Variants in PCNX2 observed in about 807,000 individuals in gnomAD.
PCNX2 encodes the protein pecanex 2.
Under a neutral mutation model 223.8 loss-of-function variants are expected in PCNX2, and 168 were observed. The ratio of observed to expected loss-of-function variants is 0.75; its 90% CI spans 0.66 to 0.85. The LOEUF (loss-of-function observed/expected upper bound fraction) is 0.85, where lower values mean the gene tolerates loss of function less well. Ranked by LOEUF, PCNX2 falls within the 40% of genes least tolerant of loss-of-function variation. The pLI, the probability that PCNX2 is intolerant of heterozygous loss-of-function variation, is 0.00. For synonymous variants in PCNX2, 1,006 were observed against 1,052.6 expected (o/e 0.96, Z 0.86); for missense variants, 2,507 against 2,675.5 (o/e 0.94, Z 1.39).
At chr1:232,992,852 C>T (rs184181631) in intron 32 of PCNX2, among the ~76,000 whole-genome samples, 42 of 152,268 alleles carry the variant, frequency 2.8e-4, no homozygotes, top group Middle Eastern at 3.4e-3. Context: ...GTGGCACCTC[C>T]TTGGTCTCAC....
the PCNX2 span, among the ~76,000 whole-genome samples, chr1:233,321,555 C>G: frequency 6.6e-6 from 1 of 152,312 alleles, no homozygotes; most frequent in Admixed American, 6.5e-5. Context: ...ACCTTGGCCT[C>G]CCAAAGTGCT....
intron 24 of PCNX2, among the ~76,000 whole-genome samples, chr1:233,056,586 A>G (rs931485185): frequency 6.6e-6 from 1 of 152,344 alleles, no homozygotes; most frequent in Non-Finnish European, 1.5e-5. Context: ...TCGAATTTTG[A>G]TTTCGAATTA....
At chr1:233,167,877 A>G (rs1226871594) in intron 17 of PCNX2, 4 of 882,890 alleles carry the variant, frequency 4.5e-6, no homozygotes, top group South Asian at 5.2e-5. Flanking sequence ...TCCACCTTCT[A>G]TAAGATATAA....
At chr1:233,255,506 C>A (rs1326220723) in intron 5 of PCNX2, among the ~76,000 whole-genome samples, 6 of 152,228 alleles carry the variant, frequency 3.9e-5, no homozygotes, top group Non-Finnish European at 8.8e-5. Context: ...CTCATGTGGG[C>A]GGTCCTCATT....
At chr1:233,243,806 G>C (rs1294266535) in intron 8 of PCNX2, among the ~76,000 whole-genome samples, 1 of 152,012 alleles carries the variant, frequency 6.6e-6, no homozygotes, top group Non-Finnish European at 1.5e-5. Context: ...CCTAAGCACT[G>C]CATGTGTACT....
At chr1:233,099,657 A>G (rs1674373302) in intron 21 of PCNX2, among the ~76,000 whole-genome samples, 1 of 152,194 alleles carries the variant, frequency 6.6e-6, no homozygotes. Context: ...TTTAAGGGTA[A>G]AATCAGGTAA....
intron 21 of PCNX2, among the ~76,000 whole-genome samples, chr1:233,128,239 A>AG (rs1253020220): frequency 6.6e-6 from 1 of 152,210 alleles, no homozygotes; most frequent in African/African-American, 2.4e-5. Context: ...AAATGCTGGC[A>AG]GAATGATCCT....
rs71173255 is a variant in PCNX2 at position 233,208,826 on chromosome 1, CAAAAAAAAAA to C, written c.2692-147_2692-138del. 2.5e-3 allele frequency: 149 copies of C among 59,622 alleles called. 6 individuals are homozygous for C. In the East Asian group the frequency reaches 0.073, roughly 29 times the overall value. The allele number at this position is 59,622 out of a possible 1,614,324, so 3.7% of individuals were successfully genotyped here. On this transcript the variant is annotated intron_variant, in intron 12 of 33. Coordinates refer to ENST00000258229, the MANE Select transcript of PCNX2 (RefSeq NM_014801.4). ...TCCCCCAAACACCACAATTCATATA[CAAAAAAAAAA>C]AAAAAAAAAAAAAAACAGGAAAAAA...
At position 232,984,108 on chromosome 1, in the gene PCNX2, ATTTTTTTTT is replaced by A. The variant is rs373209360; in HGVS notation, c.*187_*195del. ...GAGGTTTTTTTGTTGTTGTTGTTTG[ATTTTTTTTT>A]TTTTTTTTTTTTTTTTTTCAAAAAC... On this transcript the variant is annotated 3_prime_UTR_variant, in exon 34 of 34. Transcript: ENST00000258229. The A allele has an allele frequency of 1.1e-4, 15 of 135,152 alleles. No homozygotes were observed. The highest frequency in any genetic ancestry group is 4.5e-4 in the African/African-American group (7 of 15,438). The allele number at this position is 135,152 out of a possible 1,614,324, so 8.4% of individuals were successfully genotyped here. A position where few individuals can be genotyped will look rare whatever the true frequency, so the allele number is the denominator to read the frequency against.
the PCNX2 span, among the ~76,000 whole-genome samples, chr1:233,315,230 T>G: frequency 6.6e-5 from 10 of 152,218 alleles, no homozygotes; most frequent in African/African-American, 2.4e-4. Flanking sequence ...AATTTAAGAG[T>G]GCTTTAGAAA....
At chr1:233,177,365 T>C (rs1679537539) in intron 17 of PCNX2, among the ~76,000 whole-genome samples, 1 of 152,158 alleles carries the variant, frequency 6.6e-6, no homozygotes, top group East Asian at 1.9e-4. Context: ...TACCTTTGCC[T>C]CTTCTAAAAA....
upstream of PCNX2, chr1:233,295,731 A>G (rs1662055828): frequency 2.7e-6 from 1 of 371,738 alleles, no homozygotes; most frequent in East Asian, 4.5e-5. The surrounding 1 kb of genome is among the most constrained non-coding windows in gnomAD (Gnocchi z 4.1). Flanking sequence ...GGGAGGAAGG[A>G]TTTTCCCATC....
In PCNX2 at chr1:233,126,919, G is replaced by C. The variant is rs1676134696; in HGVS notation, c.3837+8094C>G. Among the ~76,000 whole-genome samples, 1 of 152,028 alleles carries C rather than the reference G, an allele frequency of 6.6e-6. No homozygotes were observed. Among genetic ancestry groups the C allele is most frequent in the Admixed American group, 6.6e-5 (1 of 15,264 alleles). ...TATGCTGAGAGCTCTCCCAGAGGTG[G>C]CTTTCACCTGCACTGCACTCTCCCC... On this transcript the variant is annotated intron_variant, in intron 21 of 33. Coordinates refer to ENST00000258229, the MANE Select transcript of PCNX2 (RefSeq NM_014801.4). This position sits in a 1 kb window ranked among gnomAD's most constrained non-coding sequence, Gnocchi z 4.8.
chr1:233,298,215 A>G (rs78349374), upstream of PCNX2, among the ~76,000 whole-genome samples: 10 of 152,284 alleles, frequency 6.6e-5, no homozygotes, highest in Non-Finnish European at 1.3e-4. Flanking sequence ...AGCAGGACAA[A>G]AGAGGGAGGA....
chr1:233,208,826 C>CA (rs71173255), intron 12 of PCNX2, 137 bp from the exon 13 acceptor site: 919 of 59,594 alleles, frequency 0.015, 14 homozygotes, highest in Non-Finnish European at 0.02. Context: ...AATTCATATA[C>CA]AAAAAAAAAA....
chr1:233,266,467 C>T (rs1660337641), intron 1 of PCNX2, among the ~76,000 whole-genome samples: 1 of 152,178 alleles, frequency 6.6e-6, no homozygotes, highest in African/African-American at 2.4e-5. Context: ...TCCAATTCCA[C>T]ATGCCCAGGG....
intron 15 of PCNX2, among the ~76,000 whole-genome samples, chr1:233,196,448 A>G (rs1364323375): frequency 1.3e-5 from 2 of 152,100 alleles, no homozygotes; most frequent in East Asian, 3.9e-4. Flanking sequence ...CCTGAAAAAA[A>G]AAATGTGTGT....
chr1:233,271,086 A>C (rs1305633153), intron 1 of PCNX2, among the ~76,000 whole-genome samples: 1 of 152,196 alleles, frequency 6.6e-6, no homozygotes. Flanking sequence ...TTAACATAAT[A>C]CTTATATTTT....
intron 32 of PCNX2, among the ~76,000 whole-genome samples, chr1:232,989,828 T>C (rs1263017034): frequency 6.6e-6 from 1 of 152,180 alleles, no homozygotes; most frequent in Non-Finnish European, 1.5e-5. Context: ...TTAATCAATA[T>C]CTTGACTAGA....
Sources: allele counts gnomAD v4.1 joint callset (sites outside exome capture counted in the v4.1 genomes callset), GRCh38; gene constraint gnomAD v4.1.1; non-coding constraint Gnocchi (gnomAD v3.1); transcripts MANE v1.5; gene names NCBI Gene and HGNC (gene_info 2026-07-23, HGNC 2026-07-21).